HFM1: variants seen among roughly 807,000 people sequenced by gnomAD.
HFM1 encodes helicase for meiosis 1.
HFM1 carries 169 observed loss-of-function variants against 192.1 expected under a neutral mutation model. That is an observed-to-expected ratio of 0.88 (90% CI 0.78 to 1.00). The LOEUF is 1.00. Ranked by LOEUF, HFM1 falls within the 50% of genes least tolerant of loss-of-function variation. The pLI is 0.00. For missense variants in HFM1, 1,661 were observed against 1,668.0 expected (o/e 1.00, Z 0.07); for synonymous variants, 525 against 537.8 (o/e 0.98, Z 0.33).
At chr1:91,276,802 C>T in intron 31 of HFM1, 59 bp from the exon 32 acceptor site, 2 of 926,018 alleles carry the variant, frequency 2.2e-6, no homozygotes, top group South Asian at 3.9e-5. Context: ...CTTATAAAGT[C>T]AAATTTCTTT....
intron 13 of HFM1, among the ~76,000 whole-genome samples, chr1:91,373,615 T>C (rs1271745972): frequency 6.6e-6 from 1 of 151,724 alleles, no homozygotes; most frequent in African/African-American, 2.4e-5. Context: ...GAGTGAGTTT[T>C]TGTGACATCT....
chr1:91,342,616 T>G (rs1162450534), intron 20 of HFM1, among the ~76,000 whole-genome samples: 1 of 152,232 alleles, frequency 6.6e-6, no homozygotes, highest in Non-Finnish European at 1.5e-5. Context: ...TCTTTGGGTC[T>G]TCATTTCCTT....
Position 91,264,361 on chromosome 1 carries a change from A to ATTTTTTTT in HFM1, c.3974+1648_3974+1655dup, listed in dbSNP as rs71087940. Among the ~76,000 whole-genome samples, 252 of 57,084 alleles carry ATTTTTTTT rather than the reference A, an allele frequency of 4.4e-3. 40 individuals carry two copies. Among genetic ancestry groups the ATTTTTTTT allele is most frequent in the Admixed American group, 0.022 (83 of 3,820 alleles). 37.4% of individuals were successfully genotyped at this position (57,084 alleles called of 152,430 possible). ...TTCCAAGGGATACCACAAATTTAGTATTTTTTTTTTTTTTTTTTTTTTTTT... is the reference window on the plus strand; with the variant it reads ...TTCCAAGGGATACCACAAATTTAGTATTTTTTTTTTTTTTTTTTTTTTTTTTTTTTTTT... On this transcript the variant is annotated intron_variant, in intron 36 of 38. Transcript: ENST00000370425.
Position 91,324,103 on chromosome 1 carries a change from G to A in HFM1, c.2427+572C>T, listed in dbSNP as rs552794876. On this transcript the variant is annotated intron_variant, in intron 21 of 38. Coordinates refer to ENST00000370425, the MANE Select transcript of HFM1 (RefSeq NM_001017975.6). The stretch of plus-strand genomic sequence containing the variant: ...TGACATGCCTATGGTTCTATTCACT[G>A]CTGCAGCTGCAAAGTTGCCCCATTG... Among the ~76,000 whole-genome samples the A allele has an allele frequency of 8.4e-4, 128 of 152,294 alleles. 1 individual carries two copies. The highest frequency in any genetic ancestry group is 2.9e-3 in the African/African-American group (122 of 41,580).
At chr1:91,384,890 C>T (rs1662001660) in intron 6 of HFM1, among the ~76,000 whole-genome samples, 2 of 151,912 alleles carry the variant, frequency 1.3e-5, no homozygotes, top group African/African-American at 4.8e-5. Flanking sequence ...ATTACAGGTG[C>T]ACACCACCAG....
chr1:91,333,548 T>G (rs1051473271), intron 20 of HFM1, among the ~76,000 whole-genome samples: 1 of 152,024 alleles, frequency 6.6e-6, no homozygotes, highest in Non-Finnish European at 1.5e-5. Context: ...GACCTAGTAT[T>G]TGATAGCATA....
intron 20 of HFM1, among the ~76,000 whole-genome samples, chr1:91,326,467 T>C (rs1261954572): frequency 1.3e-5 from 2 of 151,664 alleles, no homozygotes; most frequent in Non-Finnish European, 2.9e-5. Context: ...ATATTTAAAG[T>C]GCTAAAGAAA....
At chr1:91,378,859 T>C (rs141977696) in intron 9 of HFM1, among the ~76,000 whole-genome samples, 323 of 152,274 alleles carry the variant, frequency 2.1e-3, no homozygotes, top group African/African-American at 7.5e-3. Flanking sequence ...TTTGTCAATT[T>C]TTCCAATTTG....
At chr1:91,332,612 G>A (rs1277417326) in intron 20 of HFM1, among the ~76,000 whole-genome samples, 4 of 152,004 alleles carry the variant, frequency 2.6e-5, no homozygotes, top group Non-Finnish European at 4.4e-5. Context: ...AACATATCAA[G>A]TTAAGAACTT....
chr1:91,322,988 C>T lies in HFM1; in HGVS notation c.2544G>A (p.Met848Ile), dbSNP rs1481993376. Residue 848 changes from methionine to isoleucine, a missense_variant, in exon 23 of 39, where the codon ATG (methionine) becomes ATA (isoleucine). Physicochemically the swap from Met to Ile is conservative, Grantham distance 10. Transcript: ENST00000370425. ...TTTCTCTTGTTTTAATTCTTCCTTC[C>T]ATTGGAAATCTGTAAATAAAACCAC... ...DPNRITIRFP[M>I]EGRIKTREMK... 6 of 1,373,656 alleles carry T rather than the reference C, an allele frequency of 4.4e-6. No homozygotes were observed. In the South Asian group the frequency reaches 9.4e-5, roughly 21 times the overall value. 85.1% of individuals were successfully genotyped at this position (1,373,656 alleles called of 1,614,324 possible). A position where few individuals can be genotyped will look rare whatever the true frequency, so the allele number is the denominator to read the frequency against.
intron 4 of HFM1, among the ~76,000 whole-genome samples, chr1:91,393,740 G>A (rs202139066): frequency 6.6e-6 from 1 of 151,982 alleles, no homozygotes; most frequent in Non-Finnish European, 1.5e-5. Context: ...AACTCTTAAA[G>A]AAAAGAAAGT....
Position 91,282,421 on chromosome 1 carries a change from C to G in HFM1, c.3392-5359G>C, listed in dbSNP as rs530217331. 3.3e-5 allele frequency among the ~76,000 whole-genome samples: 5 copies of G among 152,166 alleles called. No individual in the cohort carries two copies. The South Asian group carries it at 8.3e-4, about 25-fold the overall frequency. On this transcript the variant is annotated intron_variant, in intron 30 of 38. Coordinates refer to ENST00000370425, the MANE Select transcript of HFM1 (RefSeq NM_001017975.6). ...TAAAGTTTTATATTAGGTTTTATTA[C>G]ATTCCTGAATTATCCTGTTGCTCTT...
intron 20 of HFM1, chr1:91,328,384 G>A: frequency 6.3e-7 from 1 of 1,578,596 alleles, no homozygotes; most frequent in Non-Finnish European, 8.6e-7. Flanking sequence ...TGTTGCCATG[G>A]GTATTCAAGG....
In HFM1 at chr1:91,349,766, T is replaced by C. The variant is rs138495961; in HGVS notation, c.2206+972A>G. On this transcript the variant is annotated intron_variant, in intron 18 of 38. Transcript: ENST00000370425. ...GACACTCCCAGATTCCTAACCCACA[T>C]AAGCTGTGTGAGATAATAAATTCTG... Among the ~76,000 whole-genome samples, 117 of 152,320 alleles carry C rather than the reference T, an allele frequency of 7.7e-4. No individual in the cohort carries two copies. The Middle Eastern group carries it at 0.01, about 13-fold the overall frequency.
intron 13 of HFM1, among the ~76,000 whole-genome samples, chr1:91,373,776 C>T (rs1209581512): frequency 6.6e-6 from 1 of 151,914 alleles, no homozygotes; most frequent in Admixed American, 6.6e-5. Flanking sequence ...TCTTGTACAG[C>T]CTGCAAAACT....
intron 30 of HFM1, among the ~76,000 whole-genome samples, chr1:91,279,030 C>A (rs1245982873): frequency 1.3e-5 from 2 of 151,966 alleles, no homozygotes; most frequent in Non-Finnish European, 2.9e-5. Flanking sequence ...AAAAAATGTA[C>A]CAAAATATCC....
intron 30 of HFM1, among the ~76,000 whole-genome samples, chr1:91,289,186 GTGGTGGCGGGGC>G (rs1400838010): frequency 3.3e-5 from 5 of 151,860 alleles, no homozygotes; most frequent in African/African-American, 4.8e-5. Context: ...CCCAGACGGG[GTGGTGGCGGGGC>G]AGAGACACTC....
intron 30 of HFM1, among the ~76,000 whole-genome samples, chr1:91,293,133 G>T (rs1330457462): frequency 6.6e-6 from 1 of 152,116 alleles, no homozygotes; most frequent in African/African-American, 2.4e-5. Flanking sequence ...CATTCAGGAC[G>T]TAGGCATGGG....
intron 36 of HFM1, 63 bp downstream of exon 36, chr1:91,265,954 T>C: frequency 6.4e-7 from 1 of 1,560,226 alleles, no homozygotes; most frequent in Admixed American, 2.2e-5. Context: ...GATCCCCATC[T>C]CCAACTATGT....
Sources: allele counts gnomAD v4.1 joint callset (sites outside exome capture counted in the v4.1 genomes callset), GRCh38; gene constraint gnomAD v4.1.1; transcripts MANE v1.5; gene names NCBI Gene and HGNC (gene_info 2026-07-23, HGNC 2026-07-21).